Variants in ADAP1 observed in about 807,000 individuals in gnomAD.
ADAP1 encodes ArfGAP with dual PH domains 1, also known as arf-GAP with dual PH domain-containing protein 1.
A neutral mutation model predicts 54.9 loss-of-function variants in ADAP1; 31 were observed. That is an observed-to-expected ratio of 0.56 (90% CI 0.42 to 0.76). ADAP1 has a LOEUF of 0.76. Among genes scored for constraint, ADAP1 ranks in the 30% least tolerant of loss-of-function variants. The pLI, the probability that ADAP1 is intolerant of heterozygous loss-of-function variation, is 0.00. For missense variants in ADAP1, 535 were observed against 512.4 expected, an observed-to-expected ratio of 1.04 and a Z score of -0.42; for synonymous variants, 313 against 202.6, an observed-to-expected ratio of 1.55 and a Z score of -4.63.
chr7:939,513 C>T (rs1440035358), intron 1 of ADAP1, among the ~76,000 whole-genome samples: 1 of 151,870 alleles, frequency 6.6e-6, no homozygotes, highest in Non-Finnish European at 1.5e-5. Flanking sequence ...CCACCACGCC[C>T]AGCCTACTAT....
rs1281171497 is a variant in ADAP1 at position 899,421 on chromosome 7, G to A, written c.865C>T (p.Leu289=). 1.2e-6 allele frequency: 2 copies of A among 1,612,906 alleles called. No homozygotes were observed. Among genetic ancestry groups the A allele is most frequent in the East Asian group, 2.2e-5 (1 of 44,878 alleles). Residue 289 remains leucine (L), a splice_region_variant and synonymous_variant, in exon 9 of 11, where the codon CTG becomes TTG. Coordinates refer to ENST00000265846, the MANE Select transcript of ADAP1 (RefSeq NM_006869.4). The part of the protein sequence containing the change: ...DRRLMYFKDP[L]DAFARGEVFI... Reference sequence around the variant, plus strand: ...CTGGGGCCACAGCTCCTCCTTACCAGGGGGTCTTTGAAGTACATGAGCCTG... The same window carrying A: ...CTGGGGCCACAGCTCCTCCTTACCAAGGGGTCTTTGAAGTACATGAGCCTG...
chr7:906,497 GAGAAAGGGA>G (rs1583134350), intron 4 of ADAP1, among the ~76,000 whole-genome samples: 6 of 17,820 alleles, frequency 3.4e-4, no homozygotes, highest in African/African-American at 1.8e-3. Context: ...AAAGGGAAAG[GAGAAAGGGA>G]GAAAGGAGAA....
chr7:900,827 C>A, intron 6 of ADAP1: 1 of 642,234 alleles, frequency 1.6e-6, no homozygotes, highest in South Asian at 1.6e-5. Context: ...TGCCCCTCTG[C>A]GGGAGGGCAG....
At position 898,201 on chromosome 7, in the gene ADAP1, G is replaced by C. The variant is rs1038454562; in HGVS notation, c.*720C>G. ...AGCGCGACAGTGCCCGGGACCCCCA[G>C]GGCCACTCCTGCCTCTGGTGGCCTC... On this transcript the variant is annotated 3_prime_UTR_variant, in exon 11 of 11. Transcript: ENST00000265846. 6.5e-6 allele frequency: 1 copy of C among 152,882 alleles called. No individual in the cohort carries two copies. Among genetic ancestry groups the C allele is most frequent in the Non-Finnish European group, 1.5e-5 (1 of 68,520 alleles). 9.5% of individuals were successfully genotyped at this position (152,882 alleles called of 1,614,324 possible). A position where few individuals can be genotyped will look rare whatever the true frequency, so the allele number is the denominator to read the frequency against.
chr7:927,383 G>A, intron 2 of ADAP1: 1 of 597,690 alleles, frequency 1.7e-6, no homozygotes, highest in Non-Finnish European at 2.8e-6. Flanking sequence ...TGAGCAGCAG[G>A]AGGGGCCGCC....
chr7:936,896 G>T (rs886657804), intron 1 of ADAP1, among the ~76,000 whole-genome samples: 1 of 152,218 alleles, frequency 6.6e-6, no homozygotes. Flanking sequence ...ACGCTGATCG[G>T]GGCCCACCCC....
rs756339314 is a variant in ADAP1, at chr7:905,042, C to G, written c.501+18G>C. The G allele has an allele frequency of 6.2e-7, 1 of 1,602,878 alleles. No individual in the cohort carries two copies. Among genetic ancestry groups the G allele is most frequent in the African/African-American group, 1.3e-5 (1 of 74,834 alleles). ...CGCCCTGGGACAGGCCCCCACCCCA[C>G]CCCCGTCTGTGACTCACATCATTTC... On this transcript the variant is annotated intron_variant, in intron 5 of 10. Coordinates refer to ENST00000265846, the MANE Select transcript of ADAP1 (RefSeq NM_006869.4).
At position 907,202 on chromosome 7, in the gene ADAP1, G is replaced by A. The variant is rs549068739; in HGVS notation, c.389-2030C>T. ...ACACACAGCCACAGAAAAGTAGCCC[G>A]GGCATCCCCCTGGGAGCCTAAGCAC... is the stretch of plus-strand genomic sequence containing the variant. On this transcript the variant is annotated intron_variant, in intron 4 of 10. Transcript: ENST00000265846. 8.3e-4 allele frequency among the ~76,000 whole-genome samples: 127 copies of A among 152,298 alleles called. No individual in the cohort carries two copies. The Middle Eastern group carries it at 0.014, about 16-fold the overall frequency.
chr7:921,457 C>G (rs781285708), intron 3 of ADAP1, among the ~76,000 whole-genome samples: 51 of 152,198 alleles, frequency 3.4e-4, no homozygotes, highest in Non-Finnish European at 6.2e-4. Flanking sequence ...AGTAGCTGGG[C>G]TAGAGGTGTG....
chr7:913,197 C>T (rs1277721862), intron 4 of ADAP1, among the ~76,000 whole-genome samples: 1 of 99,450 alleles, frequency 1.0e-5, no homozygotes, highest in African/African-American at 4.1e-5. Flanking sequence ...TCCTCCCCTT[C>T]CTTTTTTTTT....
At chr7:941,537 T>G (rs1416935534) in intron 1 of ADAP1, among the ~76,000 whole-genome samples, 1 of 152,200 alleles carries the variant, frequency 6.6e-6, no homozygotes, top group Non-Finnish European at 1.5e-5. Context: ...ATTGAACATT[T>G]AAAAATACCA....
chr7:935,323 G>T lies in ADAP1; in HGVS notation c.213+52C>A. The T allele has an allele frequency of 2.0e-6, 3 of 1,537,000 alleles. No individual in the cohort carries two copies. In the South Asian group the frequency reaches 3.6e-5, roughly 19 times the overall value. ...GGCATCTCTGGCTCCAGAGGCCCGGGCTGAGGCCACCCGGGGACTGCGCGG... is the reference window on the plus strand; with the variant it reads ...GGCATCTCTGGCTCCAGAGGCCCGGTCTGAGGCCACCCGGGGACTGCGCGG... On this transcript the variant is annotated intron_variant, in intron 2 of 10. Coordinates refer to ENST00000265846, the MANE Select transcript of ADAP1 (RefSeq NM_006869.4).
chr7:933,585 G>A (rs1284306467), intron 2 of ADAP1, among the ~76,000 whole-genome samples: 5 of 110,506 alleles, frequency 4.5e-5, no homozygotes, highest in African/African-American at 1.7e-4. Flanking sequence ...GTGCAGAGCC[G>A]GGGACCGGGG....
intron 7 of ADAP1, 108 bp from the exon 8 acceptor site, chr7:900,272 G>A (rs1387954070): frequency 4.3e-6 from 6 of 1,380,218 alleles, no homozygotes; most frequent in Non-Finnish European, 6.1e-6. Flanking sequence ...CCAGGTCAGG[G>A]CCCAGGCCTG....
In ADAP1 at chr7:920,682, C is replaced by T. The variant is rs1296835534; in HGVS notation, c.306-632G>A. ...AAGACCCGGGATGAGGAGAAGCCCCCGAGAGTAAAGCCCGGGACGAGGGCC... is the reference window on the plus strand; with the variant it reads ...AAGACCCGGGATGAGGAGAAGCCCCTGAGAGTAAAGCCCGGGACGAGGGCC... On this transcript the variant is annotated intron_variant, in intron 3 of 10. Transcript: ENST00000265846. The surrounding 1 kb of genome is among the most constrained non-coding windows in gnomAD (Gnocchi z 4.5). 27 of 984,162 alleles carry T rather than the reference C, an allele frequency of 2.7e-5. No homozygotes were observed. The highest frequency in any genetic ancestry group is 3.7e-5 in the Non-Finnish European group (25 of 678,846). The allele number at this position is 984,162 out of a possible 1,614,324, so 61.0% of individuals were successfully genotyped here.
In ADAP1 at chr7:942,268, C is replaced by G. The variant is rs115822695; in HGVS notation, c.83-6763G>C. Reference sequence around the variant, plus strand: ...TCAGATACAACACCAAAGGCAGAATCCACTGAGAGAGAGAGGAGGAGGAAG... The same window carrying G: ...TCAGATACAACACCAAAGGCAGAATGCACTGAGAGAGAGAGGAGGAGGAAG... On this transcript the variant is annotated intron_variant, in intron 1 of 10. Transcript: ENST00000265846. Among the ~76,000 whole-genome samples, 512 of 149,824 alleles carry G rather than the reference C, an allele frequency of 3.4e-3. 3 individuals carry two copies. Among genetic ancestry groups the G allele is most frequent in the African/African-American group, 0.012 (469 of 40,608 alleles).
rs1562911654 is a variant in ADAP1, at chr7:905,396, AGGAGAAAGGAGAAAG to A, written c.389-239_389-225del. The A allele has an allele frequency of 1.0e-3, 260 of 251,046 alleles. 53 individuals are homozygous for A. Among genetic ancestry groups the A allele is most frequent in the Admixed American group, 1.8e-3 (31 of 17,584 alleles). The allele number at this position is 251,046 out of a possible 1,614,324, so 15.6% of individuals were successfully genotyped here. ...GGAAAGGAGAAAGGAGAAAGGAGAA[AGGAGAAAGGAGAAAG>A]GGAGAAAGAGAAAGGAGAAAGGAGA... On this transcript the variant is annotated intron_variant, in intron 4 of 10. Coordinates refer to ENST00000265846, the MANE Select transcript of ADAP1 (RefSeq NM_006869.4).
chr7:921,073 T>A (rs1846176634), intron 3 of ADAP1, among the ~76,000 whole-genome samples: 1 of 152,040 alleles, frequency 6.6e-6, no homozygotes, highest in Non-Finnish European at 1.5e-5. Context: ...CAAAATTCGG[T>A]CCCCGAAAGC....
At chr7:947,108 T>C (rs1218282079) in intron 1 of ADAP1, among the ~76,000 whole-genome samples, 3 of 151,948 alleles carry the variant, frequency 2.0e-5, no homozygotes, top group African/African-American at 4.8e-5. Context: ...GGTGCGATCA[T>C]GGTTCACTGC....
Sources: gnomAD v4.1 joint callset for allele counts (sites outside exome capture counted in the v4.1 genomes callset) on GRCh38, gnomAD v4.1.1 for gene constraint, Gnocchi (gnomAD v3.1) non-coding constraint, MANE v1.5 for transcripts, NCBI Gene and HGNC (gene_info 2026-07-23, HGNC 2026-07-21) for gene names.